The following GRM8 variants were observed in gnomAD, a reference collection of about 807,000 sequenced individuals.
GRM8 encodes metabotropic glutamate receptor 8.
Under a neutral mutation model 87.2 loss-of-function variants are expected in GRM8, and 47 were observed. The observed-to-expected ratio is 0.54, with a 90% CI of 0.43 to 0.69. The LOEUF (loss-of-function observed/expected upper bound fraction) is 0.69, where lower values mean the gene tolerates loss of function less well. GRM8 is among the 30% of genes least tolerant of loss of function. The pLI, the probability that GRM8 is intolerant of heterozygous loss-of-function variation, is 0.00. For synonymous variants in GRM8, 396 were observed against 404.5 expected (o/e 0.98, Z 0.25); for missense variants, 1,019 against 1,139.2 (o/e 0.89, Z 1.52).
intron 6 of GRM8, among the ~76,000 whole-genome samples, chr7:126,828,533 G>A (rs1563226303): frequency 6.6e-6 from 1 of 152,142 alleles, no homozygotes; most frequent in Non-Finnish European, 1.5e-5. Context: ...ATGGTAGTTT[G>A]TATTTCTGAG....
chr7:126,851,574 T>A (rs913255650), intron 6 of GRM8, among the ~76,000 whole-genome samples: 1 of 152,144 alleles, frequency 6.6e-6, no homozygotes, highest in South Asian at 2.1e-4. Context: ...CTCCTTGTTG[T>A]CCTTTGAACA....
chr7:126,764,036 A>T (rs1354403626), intron 7 of GRM8, among the ~76,000 whole-genome samples: 1 of 151,948 alleles, frequency 6.6e-6, no homozygotes, highest in African/African-American at 2.4e-5. Flanking sequence ...TGACTTCTTA[A>T]TACTATGTAG....
chr7:126,804,116 CCTAA>C (rs1792398271), intron 6 of GRM8, among the ~76,000 whole-genome samples: 1 of 152,236 alleles, frequency 6.6e-6, no homozygotes, highest in Non-Finnish European at 1.5e-5. Context: ...AATCTCCTCT[CCTAA>C]CTGTCCTCTC....
At chr7:127,079,214 C>T (rs1205625026) in intron 3 of GRM8, among the ~76,000 whole-genome samples, 1 of 152,004 alleles carries the variant, frequency 6.6e-6, no homozygotes, top group Non-Finnish European at 1.5e-5. Flanking sequence ...TCTCTGCCTC[C>T]CAGGTTCAAG....
At chr7:127,001,135 T>C (rs1479320305) in intron 3 of GRM8, among the ~76,000 whole-genome samples, 5 of 151,700 alleles carry the variant, frequency 3.3e-5, no homozygotes, top group Non-Finnish European at 7.4e-5. Context: ...AATTAGCTTC[T>C]GACAAAGTGC....
intron 7 of GRM8, among the ~76,000 whole-genome samples, chr7:126,658,457 G>T (rs1008041902): frequency 1.3e-5 from 2 of 152,090 alleles, no homozygotes; most frequent in Non-Finnish European, 2.9e-5. Context: ...TCTAAAACTG[G>T]CAGTCTTGGA....
chr7:126,987,728 G>C (rs1812251001), intron 3 of GRM8, among the ~76,000 whole-genome samples: 1 of 152,158 alleles, frequency 6.6e-6, no homozygotes, highest in African/African-American at 2.4e-5. Flanking sequence ...CTCCCAAAGT[G>C]CTGGGATTAC....
At chr7:126,514,958 AATT>A (rs1223222660) in intron 9 of GRM8, among the ~76,000 whole-genome samples, 6 of 152,000 alleles carry the variant, frequency 3.9e-5, no homozygotes, top group Non-Finnish European at 7.4e-5. Flanking sequence ...ACACTTACTA[AATT>A]ATTATAATTA....
chr7:126,918,024 C>T (rs2131340424), intron 3 of GRM8, among the ~76,000 whole-genome samples: 1 of 152,130 alleles, frequency 6.6e-6, no homozygotes, highest in Admixed American at 6.5e-5. Context: ...GACACAGTCC[C>T]TCATCTTCAG....
intron 6 of GRM8, among the ~76,000 whole-genome samples, chr7:126,827,276 G>C (rs1392198614): frequency 6.6e-6 from 1 of 152,088 alleles, no homozygotes; most frequent in Non-Finnish European, 1.5e-5. Flanking sequence ...GCTTGATGGG[G>C]ATGGCATTGA....
chr7:127,227,894 TG>T (rs35349051), intron 2 of GRM8, among the ~76,000 whole-genome samples: 2 of 152,210 alleles, frequency 1.3e-5, no homozygotes, highest in Non-Finnish European at 2.9e-5. Flanking sequence ...CTGCCCACCA[TG>T]GGTGTGCTGG....
intron 7 of GRM8, among the ~76,000 whole-genome samples, chr7:126,624,363 C>G (rs537231073): frequency 6.6e-6 from 1 of 152,252 alleles, no homozygotes; most frequent in African/African-American, 2.4e-5. Context: ...TCCCAGTGTT[C>G]TTCCCGACTT....
At chr7:126,744,986 T>C (rs1585753401) in intron 7 of GRM8, among the ~76,000 whole-genome samples, 1 of 151,886 alleles carries the variant, frequency 6.6e-6, no homozygotes, top group African/African-American at 2.4e-5. Flanking sequence ...ATTTTTAGAA[T>C]GTAACTTATT....
intron 9 of GRM8, among the ~76,000 whole-genome samples, chr7:126,456,825 T>C (rs1803299300): frequency 6.6e-6 from 1 of 151,524 alleles, no homozygotes; most frequent in African/African-American, 2.4e-5. Context: ...ACAATATATA[T>C]AACATCTACA....
chr7:127,150,758 G>T (rs998946316), intron 2 of GRM8, among the ~76,000 whole-genome samples: 4 of 152,054 alleles, frequency 2.6e-5, no homozygotes, highest in African/African-American at 9.7e-5. Flanking sequence ...TGTTCAAGGA[G>T]AGTAGAGTCT....
intron 7 of GRM8, among the ~76,000 whole-genome samples, chr7:126,698,759 C>T (rs1180829228): frequency 6.6e-6 from 1 of 152,100 alleles, no homozygotes; most frequent in Non-Finnish European, 1.5e-5. Flanking sequence ...GAGTTGCATA[C>T]CTTCGTAACC....
At chr7:126,696,203 G>A (rs1194106042) in intron 7 of GRM8, among the ~76,000 whole-genome samples, 4 of 152,106 alleles carry the variant, frequency 2.6e-5, no homozygotes, top group African/African-American at 9.7e-5. Flanking sequence ...CAAAATTTAA[G>A]AAACAAAAAC....
At chr7:126,794,353 G>A (rs1047334223) in intron 6 of GRM8, among the ~76,000 whole-genome samples, 1 of 152,004 alleles carries the variant, frequency 6.6e-6, no homozygotes, top group African/African-American at 2.4e-5. Flanking sequence ...TGTCTCCAAA[G>A]GTAATTTTCT....
chr7:126,657,455 AC>A (rs1563065621), intron 7 of GRM8, among the ~76,000 whole-genome samples: 1 of 152,216 alleles, frequency 6.6e-6, no homozygotes, highest in Admixed American at 6.5e-5. Context: ...CAATTTACAA[AC>A]AAGATAACAA....
Sources: gnomAD v4.1 joint callset for allele counts (sites outside exome capture counted in the v4.1 genomes callset) on GRCh38, gnomAD v4.1.1 for gene constraint, MANE v1.5 for transcripts, NCBI Gene and HGNC (gene_info 2026-07-23, HGNC 2026-07-21) for gene names.